The following RSF1 variants were observed in gnomAD, a reference collection of about 807,000 sequenced individuals.
RSF1 encodes HBV pX-associated protein 8.
RSF1 carries 13 observed loss-of-function variants against 145.2 expected under a neutral mutation model. That is an observed-to-expected ratio of 0.09 (90% confidence interval 0.06 to 0.14). The LOEUF is 0.14. RSF1 is among the 10% of genes least tolerant of loss of function. The pLI is 1.00. For synonymous variants in RSF1, 577 were observed against 592.6 expected, an observed-to-expected ratio of 0.97 and a Z score of 0.38; for missense variants, 1,517 against 1,718.2, an observed-to-expected ratio of 0.88 and a Z score of 2.07.
chr11:77,802,606 C>T (rs897882096), intron 1 of RSF1, among the ~76,000 whole-genome samples: 2 of 152,076 alleles, frequency 1.3e-5, no homozygotes, highest in Non-Finnish European at 2.9e-5. Flanking sequence ...TGCAATGGCG[C>T]GATCTCAGCC....
At chr11:77,741,455 T>C (rs889572398) in intron 3 of RSF1, among the ~76,000 whole-genome samples, 8 of 152,002 alleles carry the variant, frequency 5.3e-5, no homozygotes, top group Non-Finnish European at 7.4e-5. Flanking sequence ...GGCTGGGAGG[T>C]TGAGGATGCG....
intron 1 of RSF1, among the ~76,000 whole-genome samples, chr11:77,814,891 T>G (rs1280434088): frequency 8.6e-6 from 1 of 115,658 alleles, no homozygotes; most frequent in Non-Finnish European, 1.8e-5. Context: ...CAAAATATGG[T>G]TTTTTTTTAA....
In RSF1 at chr11:77,675,137, C is replaced by A. The variant is rs971704390; in HGVS notation, c.3461G>T (p.Arg1154Leu). The A allele has an allele frequency of 1.2e-6, 2 of 1,614,038 alleles. No individual in the cohort carries two copies. Among genetic ancestry groups the A allele is most frequent in the African/African-American group, 2.7e-5 (2 of 75,012 alleles). ...CAAACGCCTGCTCTGCCTCATTGGCCGAGAGGGGTGTCGCCTCAGTCTACG... is the reference window on the plus strand; with the variant it reads ...CAAACGCCTGCTCTGCCTCATTGGCAGAGAGGGGTGTCGCCTCAGTCTACG... ...CSRRLRRHPS[R>L]PMRQSRRLRR... is the part of the protein sequence containing the mutation. Residue 1154 changes from arginine to leucine, a missense_variant, in exon 14 of 16, where the codon CGG becomes CTG. By Grantham distance (102) the Arg-to-Leu change is moderately radical. This residue lies in a region of RSF1 where 231 missense variants were observed against 276.6 expected (regional missense o/e 0.84). Coordinates refer to ENST00000308488, the MANE Select transcript of RSF1 (RefSeq NM_016578.4).
chr11:77,819,148 G>A (rs898441024), intron 1 of RSF1, among the ~76,000 whole-genome samples: 5 of 152,208 alleles, frequency 3.3e-5, no homozygotes, highest in Admixed American at 1.3e-4. Flanking sequence ...CATTTACATA[G>A]AGAATAGAAG....
At chr11:77,681,242 A>C (rs1440328779) in intron 11 of RSF1, among the ~76,000 whole-genome samples, 1 of 152,238 alleles carries the variant, frequency 6.6e-6, no homozygotes, top group Non-Finnish European at 1.5e-5. Flanking sequence ...CTCTAAAATC[A>C]TATATGACTA....
At chr11:77,823,572 T>C (rs1349847591), upstream of RSF1, among the ~76,000 whole-genome samples, 1 of 130,206 alleles carries the variant, frequency 7.7e-6, no homozygotes, top group African/African-American at 3.0e-5. Flanking sequence ...TGTAATCCCA[T>C]GTAGTTGCCA....
At chr11:77,852,231 A>AAAAAAAG in the RSF1 span, among the ~76,000 whole-genome samples, 1 of 148,970 alleles carries the variant, frequency 6.7e-6, no homozygotes, top group Admixed American at 6.7e-5. Context: ...TCTCAAAAAA[A>AAAAAAAG]AAAAAAAAAA....
At chr11:77,677,936 T>G in intron 12 of RSF1, 150 bp downstream of exon 12, 1 of 555,000 alleles carries the variant, frequency 1.8e-6, no homozygotes, top group South Asian at 3.2e-5. Flanking sequence ...TATCCACAAA[T>G]TACTCTAAAT....
chr11:77,856,662 C>T, the RSF1 span, among the ~76,000 whole-genome samples: 1 of 152,206 alleles, frequency 6.6e-6, no homozygotes, highest in South Asian at 2.1e-4. Flanking sequence ...GAAGCTGGCA[C>T]ATCTTACATG....
At chr11:77,764,492 C>T (rs1948206139) in intron 2 of RSF1, 106 bp downstream of exon 2, 1 of 695,230 alleles carries the variant, frequency 1.4e-6, no homozygotes, top group Non-Finnish European at 2.4e-6. Flanking sequence ...CATAGTCTTA[C>T]TTTTAGTAAA....
At chr11:77,857,675 A>G in the RSF1 span, among the ~76,000 whole-genome samples, 1 of 149,452 alleles carries the variant, frequency 6.7e-6, no homozygotes, top group Non-Finnish European at 1.5e-5. Context: ...GGTTTGCTGC[A>G]CCTATCAACC....
intron 4 of RSF1, among the ~76,000 whole-genome samples, chr11:77,739,768 A>G (rs1467914631): frequency 6.6e-6 from 1 of 152,234 alleles, no homozygotes; most frequent in African/African-American, 2.4e-5. Flanking sequence ...TTTGTGGAAT[A>G]TTTCTAAATA....
intron 2 of RSF1, among the ~76,000 whole-genome samples, chr11:77,758,636 C>A (rs1010999070): frequency 2.0e-5 from 3 of 152,162 alleles, no homozygotes; most frequent in African/African-American, 7.2e-5. Flanking sequence ...AAATAGCCAT[C>A]CTGTTAGGTA....
intron 1 of RSF1, among the ~76,000 whole-genome samples, chr11:77,802,272 CAGACAGA>C (rs1308231561): frequency 6.6e-6 from 1 of 152,178 alleles, no homozygotes; most frequent in African/African-American, 2.4e-5. Flanking sequence ...GTAGTCAAGT[CAGACAGA>C]AGTGTGGGGA....
At chr11:77,726,719 A>C (rs1301086389) in intron 4 of RSF1, among the ~76,000 whole-genome samples, 1 of 152,172 alleles carries the variant, frequency 6.6e-6, no homozygotes, top group Non-Finnish European at 1.5e-5. Context: ...TGCGATGTAA[A>C]TACCCCTGAT....
At chr11:77,779,474 C>T (rs1396507345) in intron 1 of RSF1, among the ~76,000 whole-genome samples, 5 of 151,888 alleles carry the variant, frequency 3.3e-5, no homozygotes, top group African/African-American at 9.7e-5. Flanking sequence ...CCTCCGCCTC[C>T]TGGGTTCAAG....
the RSF1 span, among the ~76,000 whole-genome samples, chr11:77,830,823 A>C: frequency 6.6e-6 from 1 of 152,052 alleles, no homozygotes; most frequent in Non-Finnish European, 1.5e-5. Context: ...TCATCAAGAA[A>C]TAAATAATGA....
At position 77,663,028 on chromosome 11, in the gene RSF1, C is replaced by CAA. The variant is rs1261919257; in HGVS notation, c.*3888_*3889insTT. ...TGAAGTGTGTGCGTGTGCACACACA[C>CAA]ACACACATATACACATGTACCATTT... On this transcript the variant is annotated 3_prime_UTR_variant, in exon 16 of 16. Coordinates refer to ENST00000308488, the MANE Select transcript of RSF1 (RefSeq NM_016578.4). 1 of 152,048 alleles carries CAA rather than the reference C, an allele frequency of 6.6e-6. No homozygotes were observed. The highest frequency in any genetic ancestry group is 1.5e-5 in the Non-Finnish European group (1 of 67,982). The allele number at this position is 152,048 out of a possible 1,614,324, so 9.4% of individuals were successfully genotyped here.
At position 77,695,667 on chromosome 11, in the gene RSF1, C is replaced by T. The variant is rs141023479; in HGVS notation, c.2716-2056G>A. Among the ~76,000 whole-genome samples the T allele has an allele frequency of 5.2e-3, 789 of 152,108 alleles. 3 individuals carry two copies. Among genetic ancestry groups the T allele is most frequent in the Non-Finnish European group, 8.3e-3 (563 of 67,986 alleles). On this transcript the variant is annotated intron_variant, in intron 7 of 15. Transcript: ENST00000308488. ...TATTTTCCCTGCCCAAGCCTTAGAACCAACCATTTCTTCAAGAAGCCCTAG... is the reference window on the plus strand; with the variant it reads ...TATTTTCCCTGCCCAAGCCTTAGAATCAACCATTTCTTCAAGAAGCCCTAG...
Sources: allele counts gnomAD v4.1 joint callset (sites outside exome capture counted in the v4.1 genomes callset), GRCh38; gene constraint gnomAD v4.1.1; regional missense constraint gnomAD v4.1.1; transcripts MANE v1.5; gene names NCBI Gene and HGNC (gene_info 2026-07-23, HGNC 2026-07-21).